The following MAPKAP1 variants were observed in gnomAD, a reference collection of about 807,000 sequenced individuals.
MAPKAP1 encodes the protein target of rapamycin complex 2 subunit MAPKAP1.
A neutral mutation model predicts 65.7 loss-of-function variants in MAPKAP1; 20 were observed. That is an observed-to-expected ratio of 0.30 (90% CI 0.21 to 0.44). The LOEUF (loss-of-function observed/expected upper bound fraction) is 0.44, where lower values mean the gene tolerates loss of function less well. Among genes scored for constraint, MAPKAP1 ranks in the 20% least tolerant of loss-of-function variants. The probability of loss-of-function intolerance (pLI) is 1.00; values close to 1 mark genes in which losing one functional copy is unlikely to be tolerated. For synonymous variants in MAPKAP1, 222 were observed against 244.3 expected, an observed-to-expected ratio of 0.91 and a Z score of 0.85; for missense variants, 423 against 648.0, an observed-to-expected ratio of 0.65 and a Z score of 3.77.
chr9:125,512,627 G>A (rs1304043574), intron 7 of MAPKAP1, among the ~76,000 whole-genome samples: 4 of 152,008 alleles, frequency 2.6e-5, no homozygotes, highest in African/African-American at 9.7e-5. Context: ...TGTCGCCCAG[G>A]TTGGAGTGCA....
At chr9:125,689,738 CAA>C (rs71374291) in intron 1 of MAPKAP1, among the ~76,000 whole-genome samples, 13 of 97,072 alleles carry the variant, frequency 1.3e-4, no homozygotes, top group Admixed American at 1.1e-4. Context: ...GACTCCATCT[CAA>C]AAAAAAAAAA....
In MAPKAP1 at chr9:125,465,865, C is replaced by T. The variant is rs375816479; in HGVS notation, c.1345+2107G>A. Among the ~76,000 whole-genome samples, 6 of 152,116 alleles carry T rather than the reference C, an allele frequency of 3.9e-5. No individual in the cohort carries two copies. The East Asian group carries it at 5.8e-4, about 15-fold the overall frequency. On this transcript the variant is annotated intron_variant, in intron 10 of 11. Coordinates refer to ENST00000265960, the MANE Select transcript of MAPKAP1 (RefSeq NM_001006617.3). Reference sequence around the variant, plus strand: ...TCTTGAAAAATGAGCAGGCTGAGTACGGGGAGGTGGAAATGTTTGTAAGTT... The same window carrying T: ...TCTTGAAAAATGAGCAGGCTGAGTATGGGGAGGTGGAAATGTTTGTAAGTT...
Position 125,595,529 on chromosome 9 carries a change from G to A in MAPKAP1, c.499-9802C>T. On this transcript the variant is annotated intron_variant, in intron 4 of 11. Coordinates refer to ENST00000265960, the MANE Select transcript of MAPKAP1 (RefSeq NM_001006617.3). The surrounding 1 kb of genome is among the most constrained non-coding windows in gnomAD (Gnocchi z 4.0). ...ATATACCTGATAGTTTCCAAAGTAGGAGAAGCAATAAGAATACAGATGGGA... is the reference window on the plus strand; with the variant it reads ...ATATACCTGATAGTTTCCAAAGTAGAAGAAGCAATAAGAATACAGATGGGA... The A allele has an allele frequency of 1.8e-6, 2 of 1,126,400 alleles. No individual in the cohort carries two copies. Among genetic ancestry groups the A allele is most frequent in the Non-Finnish European group, 1.1e-6 (1 of 915,930 alleles). 69.8% of individuals were successfully genotyped at this position (1,126,400 alleles called of 1,614,324 possible).
intron 4 of MAPKAP1, among the ~76,000 whole-genome samples, chr9:125,648,711 G>C (rs1833802928): frequency 6.6e-6 from 1 of 152,146 alleles, no homozygotes; most frequent in Non-Finnish European, 1.5e-5. Flanking sequence ...GGGAGGCCGA[G>C]GCAGGCGGAT....
At chr9:125,481,538 G>A (rs1038111094) in intron 9 of MAPKAP1, among the ~76,000 whole-genome samples, 5 of 151,566 alleles carry the variant, frequency 3.3e-5, no homozygotes, top group East Asian at 1.9e-4. Context: ...TCCTCCCATC[G>A]CAGCCTCCTG....
chr9:125,530,879 T>C (rs1589262201), intron 7 of MAPKAP1, among the ~76,000 whole-genome samples: 1 of 152,360 alleles, frequency 6.6e-6, no homozygotes, highest in South Asian at 2.1e-4. Context: ...CCTGGCATGA[T>C]AGTGGCAATA....
At chr9:125,559,509 G>A (rs1830830568) in intron 6 of MAPKAP1, 124 bp downstream of exon 6, 8 of 817,450 alleles carry the variant, frequency 9.8e-6, no homozygotes, top group East Asian at 2.7e-5. Context: ...GGGAGTCATC[G>A]TTATTACCAG....
intron 4 of MAPKAP1, among the ~76,000 whole-genome samples, chr9:125,602,616 T>TG (rs1199149036): frequency 6.6e-6 from 1 of 152,122 alleles, no homozygotes; most frequent in Non-Finnish European, 1.5e-5. Context: ...GCACAGAAAG[T>TG]GCATTCGTCT....
intron 3 of MAPKAP1, among the ~76,000 whole-genome samples, chr9:125,666,452 C>G (rs999325033): frequency 1.3e-5 from 2 of 151,946 alleles, no homozygotes; most frequent in African/African-American, 4.8e-5. Context: ...TGAAATAAAA[C>G]AAAGATAAGA....
intron 7 of MAPKAP1, among the ~76,000 whole-genome samples, chr9:125,530,885 C>T (rs1829914574): frequency 6.6e-6 from 1 of 152,196 alleles, no homozygotes; most frequent in East Asian, 1.9e-4. Context: ...ATGATAGTGG[C>T]AATAGGGATG....
chr9:125,545,022 G>A (rs973658177), intron 6 of MAPKAP1, among the ~76,000 whole-genome samples: 1 of 152,174 alleles, frequency 6.6e-6, no homozygotes, highest in Non-Finnish European at 1.5e-5. Context: ...AGCAAAAGCC[G>A]ATGCTGGTCT....
At chr9:125,472,779 G>C (rs1292731731) in intron 9 of MAPKAP1, among the ~76,000 whole-genome samples, 1 of 152,138 alleles carries the variant, frequency 6.6e-6, no homozygotes, top group Non-Finnish European at 1.5e-5. Flanking sequence ...AAAAGGACAG[G>C]AAAACCATTT....
At chr9:125,600,786 A>G (rs947085654) in intron 4 of MAPKAP1, among the ~76,000 whole-genome samples, 1 of 152,194 alleles carries the variant, frequency 6.6e-6, no homozygotes, top group Non-Finnish European at 1.5e-5. Context: ...TCAAGCATGT[A>G]AAATGTCCAC....
intron 4 of MAPKAP1, among the ~76,000 whole-genome samples, chr9:125,644,861 TA>T (rs1438127493): frequency 6.6e-6 from 1 of 152,230 alleles, no homozygotes. Flanking sequence ...TAACTGCATT[TA>T]AAGATCAAAA....
At chr9:125,620,910 C>T (rs568163910) in intron 4 of MAPKAP1, among the ~76,000 whole-genome samples, 129 of 152,084 alleles carry the variant, frequency 8.5e-4, no homozygotes, top group Non-Finnish European at 1.4e-3. Flanking sequence ...TTACCTTTTA[C>T]ATTTTTGAAC....
At chr9:125,656,783 C>A (rs1834044014) in intron 4 of MAPKAP1, among the ~76,000 whole-genome samples, 1 of 152,116 alleles carries the variant, frequency 6.6e-6, no homozygotes, top group Admixed American at 6.6e-5. Context: ...GCAATAAATA[C>A]AAAAATCAAC....
At chr9:125,643,547 A>G (rs1833640671) in intron 4 of MAPKAP1, among the ~76,000 whole-genome samples, 1 of 152,168 alleles carries the variant, frequency 6.6e-6, no homozygotes, top group South Asian at 2.1e-4. Context: ...AAATCCTTCT[A>G]TATCAAGAAG....
intron 9 of MAPKAP1, among the ~76,000 whole-genome samples, chr9:125,473,318 G>A (rs114031083): frequency 6.6e-5 from 10 of 152,218 alleles, no homozygotes; most frequent in African/African-American, 2.2e-4. Flanking sequence ...AAGGGAGGCA[G>A]TTTGTCTCCC....
intron 11 of MAPKAP1, among the ~76,000 whole-genome samples, chr9:125,441,907 C>G (rs940895206): frequency 4.6e-5 from 7 of 152,148 alleles, no homozygotes; most frequent in East Asian, 3.9e-4. Context: ...GTGGGCAGAT[C>G]ACTTGAGGCC....
Sources: gnomAD v4.1 joint callset for allele counts (sites outside exome capture counted in the v4.1 genomes callset) on GRCh38, gnomAD v4.1.1 for gene constraint, Gnocchi (gnomAD v3.1) non-coding constraint, MANE v1.5 for transcripts, NCBI Gene and HGNC (gene_info 2026-07-23, HGNC 2026-07-21) for gene names.